RASGRF2: variants seen among roughly 807,000 people sequenced by gnomAD.
RASGRF2 encodes Ras protein specific guanine nucleotide releasing factor 2, also known as ras-specific guanine nucleotide-releasing factor 2.
RASGRF2 carries 76 observed loss-of-function variants against 151.0 expected under a neutral mutation model. That is an observed-to-expected ratio of 0.50 (90% CI 0.42 to 0.61). The LOEUF (loss-of-function observed/expected upper bound fraction) is 0.61. Among genes scored for constraint, RASGRF2 ranks in the 20% least tolerant of loss-of-function variants. The pLI is 0.00. For missense variants in RASGRF2, 1,148 were observed against 1,564.6 expected, an observed-to-expected ratio of 0.73 and a Z score of 4.49; for synonymous variants, 504 against 566.5, an observed-to-expected ratio of 0.89 and a Z score of 1.57.
At chr5:81,143,244 G>A (rs1256144727) in intron 17 of RASGRF2, among the ~76,000 whole-genome samples, 1 of 151,946 alleles carries the variant, frequency 6.6e-6, no homozygotes, top group Admixed American at 6.6e-5. Context: ...TGCCTCCTGA[G>A]TCAGGCGATT....
intron 20 of RASGRF2, 39 bp downstream of exon 20, chr5:81,206,944 C>G: frequency 6.8e-7 from 1 of 1,466,450 alleles, no homozygotes; most frequent in South Asian, 1.1e-5. Context: ...CAACTATGTG[C>G]AAACTACCTC....
chr5:81,219,671 TTTG>T (rs1755816372), intron 25 of RASGRF2, 36 bp from the exon 26 acceptor site: 3 of 1,525,044 alleles, frequency 2.0e-6, no homozygotes, highest in East Asian at 4.5e-5. Context: ...TTTCTTTGCT[TTTG>T]TTGTTGTCAT....
At chr5:81,103,229 G>T (rs1752749177) in intron 12 of RASGRF2, among the ~76,000 whole-genome samples, 2 of 151,970 alleles carry the variant, frequency 1.3e-5, no homozygotes, top group Admixed American at 6.6e-5. Context: ...CATAGCTAGT[G>T]AGATGATTAA....
At chr5:81,015,051 T>C (rs932311982) in intron 1 of RASGRF2, among the ~76,000 whole-genome samples, 2 of 152,226 alleles carry the variant, frequency 1.3e-5, no homozygotes, top group South Asian at 4.1e-4. Context: ...TCCCAAAGTG[T>C]TGGATTACAG....
chr5:80,972,383 A>G (rs1475728928), intron 1 of RASGRF2, among the ~76,000 whole-genome samples: 9 of 152,212 alleles, frequency 5.9e-5, no homozygotes, highest in Non-Finnish European at 1.3e-4. Flanking sequence ...GCATTCTAAT[A>G]GGTGTGTAGT....
chr5:81,116,237 C>T (rs940066755), intron 15 of RASGRF2, among the ~76,000 whole-genome samples: 1 of 151,964 alleles, frequency 6.6e-6, no homozygotes, highest in Non-Finnish European at 1.5e-5. Flanking sequence ...CACGCACCAT[C>T]ATGCCTTGCT....
At chr5:81,207,380 C>A in intron 21 of RASGRF2, 31 bp downstream of exon 21, 1 of 1,570,592 alleles carries the variant, frequency 6.4e-7, no homozygotes, top group South Asian at 1.1e-5. Flanking sequence ...CAGCAGGGCT[C>A]GGCTGCTCTA....
Position 81,225,796 on chromosome 5 carries a change from C to G in RASGRF2, c.*26C>G. ...AGATCTGGCCTTGCCCCTGAGTCCA[C>G]GGGATGTTCATGGAAAGCAGGACAG... On this transcript the variant is annotated 3_prime_UTR_variant, in exon 27 of 27. Transcript: ENST00000265080. The G allele has an allele frequency of 6.2e-7, 1 of 1,604,140 alleles. No individual in the cohort carries two copies. The highest frequency in any genetic ancestry group is 2.2e-5 in the East Asian group (1 of 44,676).
At chr5:81,195,598 A>G (rs1291532709) in intron 18 of RASGRF2, among the ~76,000 whole-genome samples, 2 of 150,372 alleles carry the variant, frequency 1.3e-5, no homozygotes, top group South Asian at 2.1e-4. Context: ...TGATAGATAA[A>G]CAAAGGTAAT....
At chr5:81,197,381 G>A (rs1199080181) in intron 18 of RASGRF2, among the ~76,000 whole-genome samples, 2 of 148,214 alleles carry the variant, frequency 1.3e-5, no homozygotes, top group African/African-American at 2.5e-5. Context: ...GCGTGAACCC[G>A]GGAAGCGGAG....
chr5:81,151,807 A>G (rs369844), intron 17 of RASGRF2, among the ~76,000 whole-genome samples: 109,011 of 152,040 alleles, frequency 0.72, 39,260 homozygotes, highest in East Asian at 0.86. Context: ...ACACTCAGCT[A>G]TATTGGTGCT....
chr5:81,043,443 C>A (rs906123343), intron 2 of RASGRF2, among the ~76,000 whole-genome samples: 6 of 152,320 alleles, frequency 3.9e-5, no homozygotes, highest in African/African-American at 1.4e-4. Context: ...CATTTGTAAA[C>A]CCTGCTCTGT....
At chr5:81,198,811 C>T (rs1187990694) in intron 18 of RASGRF2, among the ~76,000 whole-genome samples, 6 of 152,140 alleles carry the variant, frequency 3.9e-5, no homozygotes, top group Admixed American at 1.3e-4. Context: ...TCTAATGCAC[C>T]GTTGATGGGC....
rs181953242 is a variant in RASGRF2 at position 81,085,111 on chromosome 5, G to A, written c.1162-691G>A. 1.7e-3 allele frequency among the ~76,000 whole-genome samples: 258 copies of A among 152,300 alleles called. 1 individual carries two copies. Among genetic ancestry groups the A allele is most frequent in the Non-Finnish European group, 2.1e-3 (141 of 68,022 alleles). On this transcript the variant is annotated intron_variant, in intron 7 of 26. Coordinates refer to ENST00000265080, the MANE Select transcript of RASGRF2 (RefSeq NM_006909.3). ...CCCCCGAGTGGGTAATGTTGTGGTAGATGTTCATGCATGTTATTGTTAAAA... is the reference window on the plus strand; with the variant it reads ...CCCCCGAGTGGGTAATGTTGTGGTAAATGTTCATGCATGTTATTGTTAAAA...
chr5:80,993,353 G>A (rs912100710), intron 1 of RASGRF2, among the ~76,000 whole-genome samples: 2 of 152,214 alleles, frequency 1.3e-5, no homozygotes, highest in African/African-American at 2.4e-5. Flanking sequence ...GAACATTTGT[G>A]CCTAAAGCTT....
intron 1 of RASGRF2, among the ~76,000 whole-genome samples, chr5:80,986,274 C>T (rs1407746267): frequency 6.6e-6 from 1 of 152,158 alleles, no homozygotes; most frequent in Non-Finnish European, 1.5e-5. Context: ...ATCATTAAGA[C>T]ATTCATGGAG....
intron 1 of RASGRF2, among the ~76,000 whole-genome samples, chr5:81,002,260 TTGTC>T (rs1237540758): frequency 6.6e-6 from 1 of 152,264 alleles, no homozygotes; most frequent in African/African-American, 2.4e-5. Flanking sequence ...GGCTTTTTTC[TTGTC>T]TGTAATACAT....
intron 12 of RASGRF2, among the ~76,000 whole-genome samples, chr5:81,099,835 T>C (rs1752646168): frequency 6.6e-6 from 1 of 152,152 alleles, no homozygotes; most frequent in African/African-American, 2.4e-5. Flanking sequence ...GATGTGAACA[T>C]TTTCTATTTA....
intron 17 of RASGRF2, among the ~76,000 whole-genome samples, chr5:81,153,816 A>C (rs1754192057): frequency 6.6e-6 from 1 of 152,280 alleles, no homozygotes; most frequent in Non-Finnish European, 1.5e-5. Context: ...CATATATGAA[A>C]CACATTTTCA....
Sources: allele counts gnomAD v4.1 joint callset (sites outside exome capture counted in the v4.1 genomes callset), GRCh38; gene constraint gnomAD v4.1.1; transcripts MANE v1.5; gene names NCBI Gene and HGNC (gene_info 2026-07-23, HGNC 2026-07-21).